Variants in EPRS1 observed in about 807,000 individuals in gnomAD.
EPRS1 encodes the protein glutamyl-prolyl-tRNA synthetase 1, also known as bifunctional glutamate/proline--tRNA ligase.
In EPRS1, 107 loss-of-function variants were observed where a neutral mutation model predicts 188.3. The observed-to-expected ratio is 0.57, with a 90% CI of 0.49 to 0.67. EPRS1 has a LOEUF of 0.67. Among genes scored for constraint, EPRS1 ranks in the 30% least tolerant of loss-of-function variants. The pLI is 0.00. For synonymous variants in EPRS1, 596 were observed against 593.1 expected, an observed-to-expected ratio of 1.00 and a Z score of -0.07; for missense variants, 1,577 against 1,802.2, an observed-to-expected ratio of 0.88 and a Z score of 2.26.
At chr1:219,971,733 C>T (rs1485063090) in intron 30 of EPRS1, among the ~76,000 whole-genome samples, 1 of 138,972 alleles carries the variant, frequency 7.2e-6, no homozygotes, top group Admixed American at 7.3e-5. Flanking sequence ...GTATTACCCC[C>T]AAAATGGTAT....
At chr1:219,992,313 A>G (rs1661139084) in intron 18 of EPRS1, among the ~76,000 whole-genome samples, 1 of 152,266 alleles carries the variant, frequency 6.6e-6, no homozygotes, top group South Asian at 2.1e-4. Flanking sequence ...GCAACTACAG[A>G]AGCAAATGGT....
intron 21 of EPRS1, among the ~76,000 whole-genome samples, chr1:219,983,753 C>T (rs1343751897): frequency 6.6e-6 from 1 of 151,912 alleles, no homozygotes; most frequent in Non-Finnish European, 1.5e-5. Context: ...ATTAGCCGGG[C>T]GTGGTAGCGT....
At chr1:220,042,206 C>T (rs1367962347) in intron 1 of EPRS1, among the ~76,000 whole-genome samples, 1 of 147,454 alleles carries the variant, frequency 6.8e-6, no homozygotes, top group African/African-American at 2.5e-5. Flanking sequence ...AAAAAGGCCA[C>T]ATGCAATGGC....
chr1:219,985,070 G>C (rs1039817896), intron 20 of EPRS1, among the ~76,000 whole-genome samples: 6 of 146,688 alleles, frequency 4.1e-5, no homozygotes, highest in South Asian at 2.1e-4. Context: ...AAAAAAGAAA[G>C]AAACAAAAAC....
chr1:220,025,207 C>G lies in EPRS1; in HGVS notation c.675G>C (p.Gln225His). 6.2e-7 allele frequency: 1 copy of G among 1,612,480 alleles called. No homozygotes were observed. Among genetic ancestry groups the G allele is most frequent in the Non-Finnish European group, 8.5e-7 (1 of 1,178,844 alleles). ...AKAALLNQHY[Q>H]VNFKGKLIMR... ...TGATCAGTTTCCCTTTAAAGTTAAC[C>G]TGGTAGTGCTGGTTCAGAAGAGCAG... The change falls in exon 7 of 32, where the codon CAG becomes CAC. Residue 225 changes from glutamine to histidine, a missense_variant. Physicochemically the swap from Gln to His is conservative, Grantham distance 24. Coordinates refer to ENST00000366923, the MANE Select transcript of EPRS1 (RefSeq NM_004446.3).
At chr1:219,973,150 T>C (rs571155208) in intron 29 of EPRS1, 88 bp downstream of exon 29, 43 of 1,159,666 alleles carry the variant, frequency 3.7e-5, no homozygotes, top group African/African-American at 3.3e-4. Flanking sequence ...TTGCTTCCAA[T>C]TGGGGCAACC....
intron 1 of EPRS1, among the ~76,000 whole-genome samples, chr1:220,041,358 TC>T (rs966499394): frequency 6.6e-6 from 1 of 151,778 alleles, no homozygotes; most frequent in African/African-American, 2.4e-5. Context: ...GATACTTTCA[TC>T]CCCATTTTAC....
intron 13 of EPRS1, among the ~76,000 whole-genome samples, 172 bp downstream of exon 13, chr1:220,010,774 C>T (rs1371123575): frequency 6.7e-6 from 1 of 149,234 alleles, no homozygotes; most frequent in Non-Finnish European, 1.5e-5. Context: ...CGCCCCACTG[C>T]ACTCCAGCCT....
chr1:220,032,623 G>T lies in EPRS1; in HGVS notation c.389-97C>A, dbSNP rs1662108435. ...ATTGAAGTAATTGAGATGGCTTAAAGTTGTGCTTCTAAAGAAAATGAAATG... is the reference window on the plus strand; with the variant it reads ...ATTGAAGTAATTGAGATGGCTTAAATTTGTGCTTCTAAAGAAAATGAAATG... On this transcript the variant is annotated intron_variant, in intron 4 of 31. Coordinates refer to ENST00000366923, the MANE Select transcript of EPRS1 (RefSeq NM_004446.3). 1.1e-5 allele frequency: 13 copies of T among 1,212,188 alleles called. No homozygotes were observed. The South Asian group carries it at 1.1e-4, about 11-fold the overall frequency. The allele number at this position is 1,212,188 out of a possible 1,614,324, so 75.1% of individuals were successfully genotyped here.
chr1:220,030,063 A>T (rs938115283), intron 6 of EPRS1, among the ~76,000 whole-genome samples: 21 of 152,360 alleles, frequency 1.4e-4, no homozygotes, highest in African/African-American at 4.8e-4. Flanking sequence ...ATCCAATTAA[A>T]TGAAAGCCCA....
intron 1 of EPRS1, among the ~76,000 whole-genome samples, chr1:220,045,894 G>A (rs114390475): frequency 6.6e-6 from 1 of 152,220 alleles, no homozygotes; most frequent in Admixed American, 6.5e-5. Context: ...GATTTCTCCT[G>A]AGAGGAGGGA....
intron 28 of EPRS1, among the ~76,000 whole-genome samples, chr1:219,975,974 C>G (rs954943888): frequency 1.3e-5 from 2 of 152,064 alleles, no homozygotes; most frequent in Non-Finnish European, 2.9e-5. Context: ...TCAAAAGAAC[C>G]AGAGCTTCTT....
intron 28 of EPRS1, among the ~76,000 whole-genome samples, chr1:219,975,951 T>C (rs558825148): frequency 2.4e-4 from 37 of 152,206 alleles, no homozygotes; most frequent in Non-Finnish European, 3.8e-4. Context: ...CAGCACTAAA[T>C]ACCATTCTCC....
chr1:220,010,987 C>T lies in EPRS1; in HGVS notation c.1564G>A (p.Glu522Lys). 6.2e-7 allele frequency: 1 copy of T among 1,613,622 alleles called. No individual in the cohort carries two copies. Among genetic ancestry groups the T allele is most frequent in the Non-Finnish European group, 8.5e-7 (1 of 1,179,588 alleles). ...KKEVIPVNVP[E>K]AQEEMKEVAK... ...ACTTCTTTCATCTCCTCCTGAGCTTCAGGTACATTCACTGGGATCACTTCT... is the reference window on the plus strand; with the variant it reads ...ACTTCTTTCATCTCCTCCTGAGCTTTAGGTACATTCACTGGGATCACTTCT... Residue 522 changes from glutamate (E) to lysine (K), a missense_variant, in exon 13 of 32, where the codon GAA becomes AAA. Glu to Lys is a moderately conservative substitution (Grantham distance 56). Around this residue, in one of 3 missense-constraint regions of EPRS1, gnomAD observed 1,278 missense variants for 1,457.4 expected, o/e 0.88. Transcript: ENST00000366923.
chr1:219,988,439 A>G (rs575358217), intron 19 of EPRS1, 151 bp downstream of exon 19: 20 of 611,584 alleles, frequency 3.3e-5, no homozygotes, highest in African/African-American at 3.0e-4. Flanking sequence ...GAAACAATCA[A>G]CAAAGTTTCT....
chr1:219,979,663 G>GAATAA, intron 26 of EPRS1, 48 bp from the exon 27 acceptor site: 1 of 1,325,612 alleles, frequency 7.5e-7, no homozygotes, highest in Non-Finnish European at 1.1e-6. Flanking sequence ...AACCTATTAT[G>GAATAA]CCCTTGAAAA....
chr1:220,032,111 G>T, intron 5 of EPRS1, among the ~76,000 whole-genome samples: 1 of 151,254 alleles, frequency 6.6e-6, no homozygotes, highest in African/African-American at 2.4e-5. Context: ...GTCTCGCTCT[G>T]TTGCCCAGGC....
chr1:220,007,355 A>G lies in EPRS1; in HGVS notation c.1606-17T>C. On this transcript the variant is annotated splice_polypyrimidine_tract_variant and intron_variant, in intron 13 of 31. Coordinates refer to ENST00000366923, the MANE Select transcript of EPRS1 (RefSeq NM_004446.3). The stretch of plus-strand genomic sequence containing the variant: ...CTCAGGATTCTGATTGATAAAGAAA[A>G]GCAGAGTGTCTGTTGAAACAACAAC... The G allele has an allele frequency of 6.2e-7, 1 of 1,601,380 alleles. No individual in the cohort carries two copies. The highest frequency in any genetic ancestry group is 1.1e-5 in the South Asian group (1 of 87,432).
intron 8 of EPRS1, among the ~76,000 whole-genome samples, chr1:220,023,582 T>G (rs1053794906): frequency 6.6e-6 from 1 of 152,220 alleles, no homozygotes; most frequent in Non-Finnish European, 1.5e-5. Flanking sequence ...ATTATATTCA[T>G]ATTTACCCAC....
Sources: allele counts gnomAD v4.1 joint callset (sites outside exome capture counted in the v4.1 genomes callset), GRCh38; gene constraint gnomAD v4.1.1; regional missense constraint gnomAD v4.1.1; transcripts MANE v1.5; gene names NCBI Gene and HGNC (gene_info 2026-07-23, HGNC 2026-07-21).